The following WDR70 variants were observed in gnomAD, a reference collection of about 807,000 sequenced individuals.
WDR70 encodes WD repeat-containing protein 70.
A neutral mutation model predicts 88.6 loss-of-function variants in WDR70; 53 were observed. That is an observed-to-expected ratio of 0.60 (90% CI 0.48 to 0.75). The LOEUF (loss-of-function observed/expected upper bound fraction) is 0.75, where lower values mean the gene tolerates loss of function less well. Ranked by LOEUF, WDR70 falls within the 30% of genes least tolerant of loss-of-function variation. The probability of loss-of-function intolerance (pLI) is 0.00; values close to 1 mark genes in which losing one functional copy is unlikely to be tolerated. For synonymous variants in WDR70, 280 were observed against 270.0 expected (o/e 1.04, Z -0.36); for missense variants, 610 against 823.2 (o/e 0.74, Z 3.17).
chr5:37,680,420 A>G (rs1746391545), intron 10 of WDR70, among the ~76,000 whole-genome samples: 2 of 151,960 alleles, frequency 1.3e-5, no homozygotes, highest in Non-Finnish European at 2.9e-5. Flanking sequence ...CCATTTGTCA[A>G]TTTTTGCTTC....
intron 10 of WDR70, among the ~76,000 whole-genome samples, chr5:37,629,124 A>G (rs1429992142): frequency 6.6e-6 from 1 of 152,156 alleles, no homozygotes; most frequent in African/African-American, 2.4e-5. Flanking sequence ...CTGGCCTGTA[A>G]GCTTTCTGCT....
chr5:37,511,480 T>G (rs1474936019), intron 8 of WDR70, among the ~76,000 whole-genome samples: 5 of 152,156 alleles, frequency 3.3e-5, no homozygotes, highest in Admixed American at 6.5e-5. Context: ...ACGTTCATCT[T>G]GCTCGTTTCC....
At chr5:37,622,368 T>C (rs1744531311) in intron 10 of WDR70, among the ~76,000 whole-genome samples, 2 of 151,644 alleles carry the variant, frequency 1.3e-5, no homozygotes, top group South Asian at 4.2e-4. Context: ...GAAATACCAT[T>C]TGACCCAGCC....
At chr5:37,580,086 T>C (rs1268465473) in intron 9 of WDR70, among the ~76,000 whole-genome samples, 2 of 152,346 alleles carry the variant, frequency 1.3e-5, no homozygotes, top group East Asian at 1.9e-4. Flanking sequence ...ATACTGTCCA[T>C]AGAAACTCAA....
chr5:37,662,986 T>A (rs961879098), intron 10 of WDR70, among the ~76,000 whole-genome samples: 2 of 152,204 alleles, frequency 1.3e-5, no homozygotes, highest in African/African-American at 4.8e-5. Context: ...TTTACATCTG[T>A]TCCCACAAGC....
chr5:37,538,230 CCTCTCCT>C (rs1741720277), intron 9 of WDR70, among the ~76,000 whole-genome samples: 2 of 152,146 alleles, frequency 1.3e-5, no homozygotes, highest in African/African-American at 4.8e-5. Context: ...TTCTATCTCT[CCTCTCCT>C]GCCTCTCATT....
intron 17 of WDR70, among the ~76,000 whole-genome samples, chr5:37,733,262 G>A (rs551167081): frequency 6.6e-6 from 1 of 152,034 alleles, no homozygotes; most frequent in African/African-American, 2.4e-5. Flanking sequence ...TTACTCTCTT[G>A]TAAGGATACT....
At position 37,619,569 on chromosome 5, in the gene WDR70, G is replaced by A. The variant is rs926481137; in HGVS notation, c.1092+14331G>A. Among the ~76,000 whole-genome samples the A allele has an allele frequency of 2.0e-5, 3 of 152,126 alleles. No individual in the cohort carries two copies. In the East Asian group the frequency reaches 5.8e-4, roughly 29 times the overall value. ...TTCACTTAATAGAGCCTCTAGTAGGGCTTTTTATATACACAAAGTAAAGTC... is the reference window on the plus strand; with the variant it reads ...TTCACTTAATAGAGCCTCTAGTAGGACTTTTTATATACACAAAGTAAAGTC... On this transcript the variant is annotated intron_variant, in intron 10 of 17. Transcript: ENST00000265107.
intron 10 of WDR70, among the ~76,000 whole-genome samples, chr5:37,684,420 G>T (rs1348260582): frequency 6.6e-6 from 1 of 152,178 alleles, no homozygotes; most frequent in Non-Finnish European, 1.5e-5. Context: ...TCTCATTTTT[G>T]TGGGCTGATG....
chr5:37,513,957 T>G (rs1474771188), intron 8 of WDR70, among the ~76,000 whole-genome samples: 1 of 152,094 alleles, frequency 6.6e-6, no homozygotes, highest in African/African-American at 2.4e-5. Flanking sequence ...ACCATCACAC[T>G]GTATAAGAGG....
intron 7 of WDR70, among the ~76,000 whole-genome samples, chr5:37,454,994 A>T (rs942560160): frequency 2.6e-5 from 4 of 152,192 alleles, no homozygotes; most frequent in Non-Finnish European, 4.4e-5. Context: ...TGATTAAATG[A>T]AATAATGTAT....
chr5:37,449,782 A>G (rs1274454170), intron 7 of WDR70, among the ~76,000 whole-genome samples: 1 of 151,740 alleles, frequency 6.6e-6, no homozygotes, highest in Admixed American at 6.6e-5. Flanking sequence ...AAGTTCTGGG[A>G]TACATGTGCA....
intron 10 of WDR70, among the ~76,000 whole-genome samples, chr5:37,633,474 G>A (rs1744872375): frequency 6.6e-6 from 1 of 150,896 alleles, no homozygotes; most frequent in African/African-American, 2.4e-5. Context: ...AACTTAAATG[G>A]AATTTTTTTG....
chr5:37,506,700 A>G (rs1388820190), intron 8 of WDR70: 3 of 808,184 alleles, frequency 3.7e-6, no homozygotes, highest in African/African-American at 1.7e-5. Flanking sequence ...GATCAAAGCA[A>G]TATCATCAGT....
At chr5:37,722,740 G>A (rs905912038) in intron 14 of WDR70, 115 bp from the exon 15 acceptor site, 3 of 888,440 alleles carry the variant, frequency 3.4e-6, no homozygotes, top group African/African-American at 1.7e-5. Context: ...TCAAGTACTT[G>A]TGTAGATGGA....
chr5:37,467,348 G>C (rs1739187131), intron 7 of WDR70, among the ~76,000 whole-genome samples: 1 of 151,986 alleles, frequency 6.6e-6, no homozygotes, highest in Non-Finnish European at 1.5e-5. Context: ...TCCTAGATTG[G>C]AAATGGCCAT....
intron 9 of WDR70, among the ~76,000 whole-genome samples, chr5:37,603,334 T>C (rs553285801): frequency 1.8e-4 from 27 of 152,142 alleles, no homozygotes; most frequent in Non-Finnish European, 3.7e-4. Context: ...TTACAGCCAA[T>C]TGATTTTCAA....
intron 9 of WDR70, among the ~76,000 whole-genome samples, chr5:37,579,193 C>G (rs149084165): frequency 3.9e-5 from 6 of 152,224 alleles, no homozygotes; most frequent in African/African-American, 9.6e-5. Flanking sequence ...TTTGTAAATA[C>G]TTTTTGACTG....
intron 8 of WDR70, among the ~76,000 whole-genome samples, chr5:37,483,093 T>G (rs866237614): frequency 1.3e-3 from 184 of 139,414 alleles, no homozygotes; most frequent in Middle Eastern, 0.012. Flanking sequence ...GGAAAGAAAG[T>G]GGTCTCAGTT....
Sources: gnomAD v4.1 joint callset for allele counts (sites outside exome capture counted in the v4.1 genomes callset) on GRCh38, gnomAD v4.1.1 for gene constraint, MANE v1.5 for transcripts, NCBI Gene and HGNC (gene_info 2026-07-23, HGNC 2026-07-21) for gene names.